The following ELFN2 variants were observed in gnomAD, a reference collection of about 807,000 sequenced individuals.
The protein encoded by ELFN2 is extracellular leucine rich repeat and fibronectin type III domain containing 2, also known as protein phosphatase 1 regulatory subunit 29.
A neutral mutation model predicts 45.5 loss-of-function variants in ELFN2; 17 were observed. That is an observed-to-expected ratio of 0.37 (90% CI 0.26 to 0.56). The LOEUF (loss-of-function observed/expected upper bound fraction) is 0.56. ELFN2 is among the 20% of genes least tolerant of loss of function. The pLI is 0.77. For missense variants in ELFN2, 922 were observed against 1,183.2 expected, an observed-to-expected ratio of 0.78 and a Z score of 3.24; for synonymous variants, 550 against 551.5, an observed-to-expected ratio of 1.00 and a Z score of 0.04.
chr22:37,392,846 T>C (rs1932118671), intron 2 of ELFN2, among the ~76,000 whole-genome samples: 1 of 152,192 alleles, frequency 6.6e-6, no homozygotes. Flanking sequence ...ATGTATGTAA[T>C]ATTCATATTT....
At chr22:37,393,871 G>A (rs537480120) in intron 2 of ELFN2, among the ~76,000 whole-genome samples, 252 of 152,252 alleles carry the variant, frequency 1.7e-3, no homozygotes, top group African/African-American at 5.3e-3. Context: ...CAGGCGACAC[G>A]GAACGGGTCC....
At position 37,372,984 on chromosome 22, in the gene ELFN2, G is replaced by A; in HGVS notation, c.*88C>T. On this transcript the variant is annotated 3_prime_UTR_variant, in exon 3 of 3. Coordinates refer to ENST00000402918, the MANE Select transcript of ELFN2 (RefSeq NM_052906.5). This position sits in a 1 kb window ranked among gnomAD's most constrained non-coding sequence, Gnocchi z 4.4. ...TCCTCTCCTGGGCCTTGGCCCCCGA[G>A]TCTGCTCCCCGCCCTGGCCGCCTGG... is the stretch of plus-strand genomic sequence containing the variant. 2.7e-6 allele frequency: 4 copies of A among 1,455,970 alleles called. No homozygotes were observed. In the South Asian group the frequency reaches 4.1e-5, roughly 15 times the overall value. 90.2% of individuals were successfully genotyped at this position (1,455,970 alleles called of 1,614,324 possible).
intron 2 of ELFN2, among the ~76,000 whole-genome samples, chr22:37,400,895 C>A (rs1306400793): frequency 6.6e-6 from 1 of 152,248 alleles, no homozygotes. Flanking sequence ...GACTTGTAAT[C>A]CCTAAGTGGC....
downstream of ELFN2, among the ~76,000 whole-genome samples, chr22:37,367,326 A>C (rs1344521910): frequency 2.0e-5 from 3 of 152,198 alleles, no homozygotes; most frequent in Admixed American, 6.5e-5. Context: ...TAAATCTGAG[A>C]AGCAGCAGAA....
intron 1 of ELFN2, chr22:37,353,996 A>G (rs1377662363): frequency 6.6e-6 from 1 of 152,248 alleles, no homozygotes; most frequent in Non-Finnish European, 1.5e-5. Flanking sequence ...CATCTTGCCA[A>G]ACGGGAAACG....
At chr22:37,404,433 G>T in intron 2 of ELFN2, among the ~76,000 whole-genome samples, 1 of 152,010 alleles carries the variant, frequency 6.6e-6, no homozygotes, top group East Asian at 1.9e-4. Context: ...TGCCACCCAG[G>T]GTCTGGGTGG....
At chr22:37,393,889 G>A (rs954713886) in intron 2 of ELFN2, among the ~76,000 whole-genome samples, 2 of 152,108 alleles carry the variant, frequency 1.3e-5, no homozygotes, top group Admixed American at 6.5e-5. Context: ...TCCCCCATTC[G>A]CTGGCAGATG....
intron 2 of ELFN2, among the ~76,000 whole-genome samples, chr22:37,410,016 T>C (rs1164843977): frequency 1.3e-5 from 2 of 152,256 alleles, no homozygotes; most frequent in South Asian, 2.1e-4. Context: ...TGTATACTTA[T>C]GCATTGTTTT....
intron 1 of ELFN2, among the ~76,000 whole-genome samples, chr22:37,361,086 C>A (rs991572190): frequency 2.0e-5 from 3 of 152,148 alleles, no homozygotes; most frequent in Admixed American, 2.0e-4. Flanking sequence ...CACATCCCGG[C>A]AGCTCCCCAG....
intron 1 of ELFN2, among the ~76,000 whole-genome samples, chr22:37,358,352 A>G (rs796626871): frequency 2.2e-4 from 33 of 152,324 alleles, no homozygotes; most frequent in Middle Eastern, 3.4e-3. Flanking sequence ...AGTTCAAGCA[A>G]GAGACATCAG....
At chr22:37,420,551 C>G (rs945506795) in intron 1 of ELFN2, 3 of 152,822 alleles carry the variant, frequency 2.0e-5, no homozygotes, top group Non-Finnish European at 4.4e-5. Context: ...GGGCATTCGC[C>G]CTGTGCAAGG....
At chr22:37,403,992 G>A (rs1932433717) in intron 2 of ELFN2, among the ~76,000 whole-genome samples, 1 of 152,234 alleles carries the variant, frequency 6.6e-6, no homozygotes, top group Non-Finnish European at 1.5e-5. Context: ...ATCTGTCCTG[G>A]GGTCCAGGAA....
chr22:37,343,525 C>T (rs1410907286), intron 1 of ELFN2, among the ~76,000 whole-genome samples: 3 of 152,074 alleles, frequency 2.0e-5, no homozygotes, highest in Non-Finnish European at 4.4e-5. Flanking sequence ...GTCGGTTTCA[C>T]GCCTCCTCCG....
intron 2 of ELFN2, among the ~76,000 whole-genome samples, chr22:37,416,627 G>A (rs914877215): frequency 9.9e-5 from 15 of 152,096 alleles, no homozygotes; most frequent in African/African-American, 3.1e-4. Flanking sequence ...GGAAGCAAGC[G>A]CTGGTGCAGC....
intron 1 of ELFN2, among the ~76,000 whole-genome samples, chr22:37,347,353 AG>A (rs1420103504): frequency 1.3e-5 from 2 of 152,156 alleles, no homozygotes; most frequent in Non-Finnish European, 2.9e-5. Flanking sequence ...CTGAAGCTGC[AG>A]GTATTCATAG....
Position 37,373,941 on chromosome 22 carries a change from C to A in ELFN2, c.1594G>T (p.Ala532Ser). ...PDLENGQGSA[A>S]EISTIAKEVD... ...TCCTTGGCAATGGTGGAGATCTCTGCAGCCGAGCCCTGGCCGTTCTCGAGG... is the reference window on the plus strand; with the variant it reads ...TCCTTGGCAATGGTGGAGATCTCTGAAGCCGAGCCCTGGCCGTTCTCGAGG... The change falls in exon 3 of 3, where the codon GCA (alanine) becomes TCA (serine). Residue 532 changes from alanine to serine, a missense_variant. Ala to Ser is a moderately conservative substitution (Grantham distance 99). Transcript: ENST00000402918. 1 of 1,611,920 alleles carries A rather than the reference C, an allele frequency of 6.2e-7. No homozygotes were observed. The highest frequency in any genetic ancestry group is 8.5e-7 in the Non-Finnish European group (1 of 1,179,452).
chr22:37,383,485 G>A (rs1346153584), intron 2 of ELFN2, among the ~76,000 whole-genome samples: 1 of 152,182 alleles, frequency 6.6e-6, no homozygotes, highest in Non-Finnish European at 1.5e-5. Context: ...CGGGGGAGCT[G>A]GCTCCTGCCC....
rs1491573989 is a variant in ELFN2, at chr22:37,405,089, C to CTTTTTTTTTTTTTTTTTTTTTTTT, written c.-463+12679_-463+12680insAAAAAAAAAAAAAAAAAAAAAAAA. Among the ~76,000 whole-genome samples the CTTTTTTTTTTTTTTTTTTTTTTTT allele has an allele frequency of 1.6e-5, 2 of 121,534 alleles. 1 individual carries two copies. 79.7% of individuals were successfully genotyped at this position (121,534 alleles called of 152,430 possible). ...GGCCCCTCACCTCCCTGAACCTCAG[C>CTTTTTTTTTTTTTTTTTTTTTTTT]ATTTTTTTTTTTTTTTTTTTTTTGA... On this transcript the variant is annotated intron_variant, in intron 2 of 2. Coordinates refer to ENST00000402918, the MANE Select transcript of ELFN2 (RefSeq NM_052906.5).
At chr22:37,401,760 T>C (rs5750429) in intron 2 of ELFN2, among the ~76,000 whole-genome samples, 76,500 of 152,108 alleles carry the variant, frequency 0.5, 20,037 homozygotes, top group African/African-American at 0.65. Context: ...GGCATAAATT[T>C]CTGCTTACTT....
Sources: allele counts gnomAD v4.1 joint callset (sites outside exome capture counted in the v4.1 genomes callset), GRCh38; gene constraint gnomAD v4.1.1; non-coding constraint Gnocchi (gnomAD v3.1); transcripts MANE v1.5; gene names NCBI Gene and HGNC (gene_info 2026-07-23, HGNC 2026-07-21).